FRMD3: variants seen among roughly 807,000 people sequenced by gnomAD.
The protein encoded by FRMD3 is FERM domain-containing protein 3.
A neutral mutation model predicts 70.2 loss-of-function variants in FRMD3; 33 were observed. That is an observed-to-expected ratio of 0.47 (90% CI 0.36 to 0.63). The LOEUF is 0.63. FRMD3 is among the 20% of genes least tolerant of loss of function. FRMD3 has a pLI of 0.00. For synonymous variants in FRMD3, 279 were observed against 255.9 expected, an observed-to-expected ratio of 1.09 and a Z score of -0.86; for missense variants, 632 against 711.4, an observed-to-expected ratio of 0.89 and a Z score of 1.27.
At chr9:83,443,403 T>C (rs1038499257) in intron 1 of FRMD3, among the ~76,000 whole-genome samples, 1 of 152,198 alleles carries the variant, frequency 6.6e-6, no homozygotes, top group Non-Finnish European at 1.5e-5. Context: ...TGGTTTTCCA[T>C]CCTTGCGATA....
In FRMD3 at chr9:83,414,768, CT is replaced by C. The variant is rs1178562081; in HGVS notation, c.148-25061del. On this transcript the variant is annotated intron_variant, in intron 1 of 13. Coordinates refer to ENST00000304195, the MANE Select transcript of FRMD3 (RefSeq NM_174938.6). ...ACACAAATATCATGGTCACAGCTCT[CT>C]CAATTTCTAGTTCTGTATCTTCATG... 3.9e-5 allele frequency among the ~76,000 whole-genome samples: 6 copies of C among 152,324 alleles called. No individual in the cohort carries two copies. In the South Asian group the frequency reaches 1.2e-3, roughly 32 times the overall value.
chr9:83,494,846 T>TGTGTGTGTGTGTGCGCGCGCGC (rs1336701030), intron 1 of FRMD3, among the ~76,000 whole-genome samples: 2 of 147,612 alleles, frequency 1.4e-5, no homozygotes, highest in Non-Finnish European at 3.0e-5. Context: ...TGTGTGTGTG[T>TGTGTGTGTGTGTGCGCGCGCGC]GTGTGTGTGT....
intron 1 of FRMD3, among the ~76,000 whole-genome samples, chr9:83,449,805 G>A (rs1827589017): frequency 6.6e-6 from 1 of 152,152 alleles, no homozygotes; most frequent in Admixed American, 6.5e-5. Flanking sequence ...GTTGGACTGA[G>A]GGTAAGGAAG....
intron 6 of FRMD3, among the ~76,000 whole-genome samples, chr9:83,331,383 A>G (rs1218255842): frequency 6.6e-6 from 1 of 152,204 alleles, no homozygotes; most frequent in Non-Finnish European, 1.5e-5. Context: ...CAACTATGAC[A>G]TTCTGGGTAA....
intron 13 of FRMD3, among the ~76,000 whole-genome samples, chr9:83,280,846 G>A (rs990439883): frequency 6.6e-6 from 1 of 152,150 alleles, no homozygotes; most frequent in South Asian, 2.1e-4. Flanking sequence ...ATCATTGTAT[G>A]TACCCTGCTC....
At chr9:83,556,440 T>C in the FRMD3 span, among the ~76,000 whole-genome samples, 31,117 of 152,166 alleles carry the variant, frequency 0.2, 3,341 homozygotes, top group East Asian at 0.39. Context: ...AATTTAGCTA[T>C]AATTTGGTTA....
intron 1 of FRMD3, among the ~76,000 whole-genome samples, chr9:83,412,204 C>T (rs12684510): frequency 0.086 from 13,163 of 152,178 alleles, 651 homozygotes; most frequent in South Asian, 0.2. Flanking sequence ...GCTATTCATA[C>T]GTGTTGTTGT....
chr9:83,273,637 A>G (rs1026917985), intron 13 of FRMD3, among the ~76,000 whole-genome samples: 5 of 138,636 alleles, frequency 3.6e-5, no homozygotes, highest in African/African-American at 1.5e-4. Flanking sequence ...ACCTGGGGAA[A>G]AAAAAAAAAG....
rs1348916819 is a variant in FRMD3 at position 83,244,963 on chromosome 9, T to C, written c.*2955A>G. ...GGCAATATTGTGTGTGTATATGTAT[T>C]TGCCATATGTGTGTGTGTATTATAT... is the stretch of plus-strand genomic sequence containing the variant. On this transcript the variant is annotated 3_prime_UTR_variant, in exon 14 of 14. Transcript: ENST00000304195. 1 of 982,496 alleles carries C rather than the reference T, an allele frequency of 1.0e-6. No individual in the cohort carries two copies. The highest frequency in any genetic ancestry group is 1.7e-5 in the African/African-American group (1 of 57,146). The allele number at this position is 982,496 out of a possible 1,614,324, so 60.9% of individuals were successfully genotyped here.
At chr9:83,495,454 T>C (rs1352811405) in intron 1 of FRMD3, among the ~76,000 whole-genome samples, 1 of 152,178 alleles carries the variant, frequency 6.6e-6, no homozygotes, top group Non-Finnish European at 1.5e-5. Flanking sequence ...TTTGTTATAA[T>C]TGGAGGTAAC....
chr9:83,470,016 G>A (rs573450562), intron 1 of FRMD3, among the ~76,000 whole-genome samples: 11 of 152,286 alleles, frequency 7.2e-5, no homozygotes, highest in South Asian at 2.1e-4. Context: ...CAGTTGATCC[G>A]GTGTGTTGAA....
intron 3 of FRMD3, among the ~76,000 whole-genome samples, chr9:83,360,341 T>C (rs1206895639): frequency 1.3e-5 from 2 of 152,142 alleles, no homozygotes; most frequent in Non-Finnish European, 2.9e-5. Context: ...ACTATAAAGT[T>C]GCATCCAAAA....
intron 1 of FRMD3, among the ~76,000 whole-genome samples, chr9:83,413,611 C>T (rs1174008296): frequency 6.6e-6 from 1 of 152,148 alleles, no homozygotes; most frequent in Non-Finnish European, 1.5e-5. Flanking sequence ...AATCTGGACT[C>T]GCCAAAAGCC....
the FRMD3 span, among the ~76,000 whole-genome samples, chr9:83,557,031 T>C: frequency 1.3e-5 from 2 of 152,194 alleles, no homozygotes; most frequent in Non-Finnish European, 2.9e-5. Context: ...ATATTTTATA[T>C]TTAAATATTT....
intron 1 of FRMD3, among the ~76,000 whole-genome samples, chr9:83,523,938 G>A (rs1349778511): frequency 6.6e-6 from 1 of 152,208 alleles, no homozygotes; most frequent in Non-Finnish European, 1.5e-5. Flanking sequence ...CACAGGAGGT[G>A]AAGATATCCT....
At chr9:83,456,072 C>T (rs1346267892) in intron 1 of FRMD3, among the ~76,000 whole-genome samples, 1 of 152,190 alleles carries the variant, frequency 6.6e-6, no homozygotes, top group Non-Finnish European at 1.5e-5. Context: ...CCAGTAGTAA[C>T]CTGCCCATAG....
chr9:83,410,634 G>A (rs1826252363), intron 1 of FRMD3, among the ~76,000 whole-genome samples: 1 of 152,194 alleles, frequency 6.6e-6, no homozygotes, highest in Non-Finnish European at 1.5e-5. Flanking sequence ...CTTTTTGGTA[G>A]AATAATTTAT....
chr9:83,423,728 C>G (rs1325034559), intron 1 of FRMD3, among the ~76,000 whole-genome samples: 1 of 151,148 alleles, frequency 6.6e-6, no homozygotes, highest in Admixed American at 6.6e-5. Flanking sequence ...TCCTGCGTAG[C>G]TGGAATTACA....
At chr9:83,423,203 T>C (rs1826694701) in intron 1 of FRMD3, among the ~76,000 whole-genome samples, 1 of 152,256 alleles carries the variant, frequency 6.6e-6, no homozygotes, top group Non-Finnish European at 1.5e-5. Flanking sequence ...GTTTTGAATG[T>C]CTTGCATTTG....
Sources: allele counts gnomAD v4.1 joint callset (sites outside exome capture counted in the v4.1 genomes callset), GRCh38; gene constraint gnomAD v4.1.1; transcripts MANE v1.5; gene names NCBI Gene and HGNC (gene_info 2026-07-23, HGNC 2026-07-21).